The following REPS2 variants were observed in gnomAD, a reference collection of about 807,000 sequenced individuals.
REPS2 encodes the protein RALBP1 associated Eps domain containing 2, also known as ralBP1-associated Eps domain-containing protein 2.
A neutral mutation model predicts 53.6 loss-of-function variants in REPS2; 23 were observed. The ratio of observed to expected loss-of-function variants is 0.43; its 90% CI spans 0.31 to 0.61. REPS2 has a LOEUF of 0.61. REPS2 is among the 20% of genes least tolerant of loss of function. REPS2 has a pLI of 0.11. For missense variants in REPS2, 446 were observed against 534.9 expected, an observed-to-expected ratio of 0.83 and a Z score of 1.64; for synonymous variants, 238 against 218.6, an observed-to-expected ratio of 1.09 and a Z score of -0.78.
intron 13 of REPS2, among the ~76,000 whole-genome samples, chrX:17,089,368 C>T (rs2062585345): frequency 9.0e-6 from 1 of 110,816 alleles, no homozygotes; most frequent in Non-Finnish European, 1.9e-5. Context: ...TTTTTCTACC[C>T]TTAGCTTAAA....
intron 1 of REPS2, among the ~76,000 whole-genome samples, chrX:16,972,234 G>A (rs760449351): frequency 5.3e-5 from 6 of 112,204 alleles, no homozygotes; most frequent in Non-Finnish European, 9.4e-5. Context: ...GCTGTTGATG[G>A]CATAGAAGAC....
At chrX:17,040,440 G>A (rs2061816939) in intron 5 of REPS2, among the ~76,000 whole-genome samples, 1 of 112,157 alleles carries the variant, frequency 8.9e-6, no homozygotes, top group African/African-American at 3.2e-5. Flanking sequence ...CTTATTGAGT[G>A]TTTTGTATGT....
chrX:17,123,198 G>A (rs1008427854), intron 14 of REPS2, among the ~76,000 whole-genome samples: 11 of 111,464 alleles, frequency 9.9e-5, no homozygotes, highest in East Asian at 2.8e-4. Context: ...CCTGGGGAGC[G>A]TGAGTCTCTA....
At chrX:17,081,594 G>A (rs749520273) in intron 13 of REPS2, among the ~76,000 whole-genome samples, 1 of 112,649 alleles carries the variant, frequency 8.9e-6, no homozygotes, top group African/African-American at 3.2e-5. Context: ...TTCAACTTTG[G>A]TGTCTGTAAA....
chrX:17,179,448 C>G, the REPS2 span, among the ~76,000 whole-genome samples: 7 of 111,074 alleles, frequency 6.3e-5, no homozygotes, highest in South Asian at 3.9e-4. Context: ...CACTGACCCA[C>G]GATCCTGACT....
At chrX:17,156,063 T>G (rs1252969011), downstream of REPS2, among the ~76,000 whole-genome samples, 1 of 112,021 alleles carries the variant, frequency 8.9e-6, no homozygotes, top group East Asian at 2.8e-4. Context: ...ATGCTTCAAG[T>G]AGAGCATCTC....
intron 1 of REPS2, among the ~76,000 whole-genome samples, chrX:16,976,373 A>T (rs2060955094): frequency 9.0e-6 from 1 of 110,939 alleles, no homozygotes; most frequent in African/African-American, 3.3e-5. Context: ...GGGGGTGAGT[A>T]CAAAGAGAGG....
At chrX:17,050,993 G>A (rs768997870) in intron 6 of REPS2, among the ~76,000 whole-genome samples, 158 of 110,397 alleles carry the variant, frequency 1.4e-3, no homozygotes, top group Non-Finnish European at 2.4e-3. Flanking sequence ...TCCCCGCCTC[G>A]CCCCTACTCT....
chrX:16,987,311 G>A lies in REPS2; in HGVS notation c.274-18910G>A, dbSNP rs758851755. On this transcript the variant is annotated intron_variant, in intron 1 of 17. Transcript: ENST00000357277. Reference sequence around the variant, plus strand: ...TGCCCAGTGATGCTAGTAAATGAGTGACTCTACTTTGATTTGACAGAAGAA... The same window carrying A: ...TGCCCAGTGATGCTAGTAAATGAGTAACTCTACTTTGATTTGACAGAAGAA... 1.1e-4 allele frequency among the ~76,000 whole-genome samples: 12 copies of A among 110,797 alleles called. No homozygotes were observed. The East Asian group carries it at 3.4e-3, about 32-fold the overall frequency.
chrX:17,117,672 C>T (rs1187583273), intron 14 of REPS2, among the ~76,000 whole-genome samples: 1 of 109,618 alleles, frequency 9.1e-6, no homozygotes, highest in African/African-American at 3.3e-5. Context: ...TCCAGTCTAT[C>T]ATTGTTGGAC....
At chrX:16,953,128 CACACACACACACACACAA>C (rs1276121602) in intron 1 of REPS2, among the ~76,000 whole-genome samples, 9 of 94,735 alleles carry the variant, frequency 9.5e-5, no homozygotes, top group African/African-American at 3.3e-4. Context: ...CACACACACA[CACACACACACACACACAA>C]ACACACAAAC....
At chrX:17,172,520 G>A in the REPS2 span, among the ~76,000 whole-genome samples, 3 of 112,012 alleles carry the variant, frequency 2.7e-5, no homozygotes, top group Non-Finnish European at 5.6e-5. Flanking sequence ...TGTACAGCCT[G>A]TAGAACCATG....
the REPS2 span, among the ~76,000 whole-genome samples, chrX:17,165,837 T>G: frequency 1.6e-4 from 18 of 111,250 alleles, no homozygotes; most frequent in Non-Finnish European, 3.0e-4. Flanking sequence ...CTGTCCTTAC[T>G]CTGCAAGAGA....
rs1352120293 is a variant in REPS2, at chrX:17,147,628, C to T, written c.*147C>T. On this transcript the variant is annotated 3_prime_UTR_variant, in exon 18 of 18. Coordinates refer to ENST00000357277, the MANE Select transcript of REPS2 (RefSeq NM_004726.3). Reference sequence around the variant, plus strand: ...ATAATCCATATGACCTTTTCTCTTGCACTTCACTTGTATGTTTTACTGTGG... The same window carrying T: ...ATAATCCATATGACCTTTTCTCTTGTACTTCACTTGTATGTTTTACTGTGG... 2 of 410,509 alleles carry T rather than the reference C, an allele frequency of 4.9e-6. No homozygotes were observed. The highest frequency in any genetic ancestry group is 7.6e-5 in the East Asian group (2 of 26,486). 33.8% of individuals were successfully genotyped at this position (410,509 alleles called of 1,213,427 possible).
chrX:17,050,141 C>CCTTTCTTTCTTTCTTT lies in REPS2; in HGVS notation c.908-2200_908-2185dup, dbSNP rs774556038. Among the ~76,000 whole-genome samples, 55 of 20,386 alleles carry CCTTTCTTTCTTTCTTT rather than the reference C, an allele frequency of 2.7e-3. 3 individuals are homozygous for CCTTTCTTTCTTTCTTT. Among genetic ancestry groups the CCTTTCTTTCTTTCTTT allele is most frequent in the Admixed American group, 4.8e-3 (5 of 1,038 alleles). The allele number at this position is 20,386 out of a possible 115,157, so 17.7% of individuals were successfully genotyped here. A position where few individuals can be genotyped will look rare whatever the true frequency, so the allele number is the denominator to read the frequency against. ...TTTCTTCTTTCTTTCTTCCTTTCTT[C>CCTTTCTTTCTTTCTTT]CTTTCTTTCTTTCTTTCTTTCTTTC... On this transcript the variant is annotated intron_variant, in intron 6 of 17. Coordinates refer to ENST00000357277, the MANE Select transcript of REPS2 (RefSeq NM_004726.3).
chrX:16,947,109 A>T lies in REPS2; in HGVS notation c.248A>T (p.Gln83Leu). 1 of 1,095,449 alleles carries T rather than the reference A, an allele frequency of 9.1e-7. No individual in the cohort carries two copies. Among genetic ancestry groups the T allele is most frequent in the South Asian group, 2.2e-5 (1 of 44,500 alleles). The allele number at this position is 1,095,449 out of a possible 1,213,427, so 90.3% of individuals were successfully genotyped here. The part of the protein sequence containing the change: ...GPVADLFRAS[Q>L]LPAETLHQIT... Reference sequence around the variant, plus strand: ...GTGGCTGACCTGTTTCGGGCATCGCAGCTGCCCGCCGAGACGCTGCACCAG... The same window carrying T: ...GTGGCTGACCTGTTTCGGGCATCGCTGCTGCCCGCCGAGACGCTGCACCAG... Residue 83 changes from glutamine to leucine, a missense_variant, in exon 1 of 18, where the codon CAG (glutamine) becomes CTG (leucine). Transcript: ENST00000357277.
At chrX:17,055,038 C>T (rs1291142991) in intron 8 of REPS2, 88 bp downstream of exon 8, 49 of 890,488 alleles carry the variant, frequency 5.5e-5, no homozygotes, top group Non-Finnish European at 7.3e-5. Flanking sequence ...TTAATGATTG[C>T]CATTCTAACT....
chrX:16,983,426 C>G (rs1165341633), intron 1 of REPS2, among the ~76,000 whole-genome samples: 4 of 112,315 alleles, frequency 3.6e-5, no homozygotes, highest in Non-Finnish European at 7.5e-5. Flanking sequence ...CTGTTTGGCA[C>G]CAGGCTCTTT....
At chrX:16,976,006 A>G (rs2060950606) in intron 1 of REPS2, among the ~76,000 whole-genome samples, 2 of 111,995 alleles carry the variant, frequency 1.8e-5, no homozygotes, top group Non-Finnish European at 3.8e-5. Flanking sequence ...ATGTTGTGCA[A>G]CCATCACTAC....
Sources: allele counts gnomAD v4.1 joint callset (sites outside exome capture counted in the v4.1 genomes callset), GRCh38; gene constraint gnomAD v4.1.1; transcripts MANE v1.5; gene names NCBI Gene and HGNC (gene_info 2026-07-23, HGNC 2026-07-21).